The following ZSCAN5A variants were observed in gnomAD, a reference collection of about 807,000 sequenced individuals.
The protein encoded by ZSCAN5A is zinc finger and SCAN domain-containing protein 5A.
In ZSCAN5A, 12 loss-of-function variants were observed where a neutral mutation model predicts 23.7. The observed-to-expected ratio is 0.51, with a 90% confidence interval of 0.32 to 0.82. The LOEUF (loss-of-function observed/expected upper bound fraction) is 0.82, where lower values mean the gene tolerates loss of function less well. Ranked by LOEUF, ZSCAN5A falls within the 40% of genes least tolerant of loss-of-function variation. ZSCAN5A has a pLI of 0.03. For missense variants in ZSCAN5A, 597 were observed against 617.9 expected, an observed-to-expected ratio of 0.97 and a Z score of 0.36; for synonymous variants, 257 against 239.9, an observed-to-expected ratio of 1.07 and a Z score of -0.66.
At chr19:56,348,307 A>G (rs551526852) in intron 2 of ZSCAN5A, 1 of 152,364 alleles carries the variant, frequency 6.6e-6, no homozygotes, top group Non-Finnish European at 1.5e-5. Flanking sequence ...ATCTCAGGAA[A>G]AAGGCTAATC....
At chr19:56,362,593 G>A (rs1043849529) in intron 2 of ZSCAN5A, among the ~76,000 whole-genome samples, 1 of 152,132 alleles carries the variant, frequency 6.6e-6, no homozygotes, top group African/African-American at 2.4e-5. Flanking sequence ...AAGATGGCCG[G>A]ACGCGGTGGC....
chr19:56,289,591 C>T (rs1055778717), intron 2 of ZSCAN5A, among the ~76,000 whole-genome samples: 5 of 152,120 alleles, frequency 3.3e-5, no homozygotes, highest in African/African-American at 7.2e-5. Flanking sequence ...AAATGTTTCT[C>T]TTGTGTGTGG....
upstream of ZSCAN5A, chr19:56,316,933 C>T (rs1360901452): frequency 6.6e-6 from 1 of 152,270 alleles, no homozygotes; most frequent in East Asian, 1.9e-4. Context: ...ACCTCCTGGG[C>T]TTAAGCAATC....
chr19:56,306,146 T>C (rs56095857), intron 2 of ZSCAN5A, among the ~76,000 whole-genome samples: 65,170 of 151,970 alleles, frequency 0.43, 14,194 homozygotes, highest in Middle Eastern at 0.59. Flanking sequence ...ACATGAAGTG[T>C]AGAGGCCAGT....
At chr19:56,359,457 GC>G (rs2041719025) in intron 2 of ZSCAN5A, among the ~76,000 whole-genome samples, 1 of 152,034 alleles carries the variant, frequency 6.6e-6, no homozygotes, top group South Asian at 2.1e-4. Context: ...ACCAAAAAAA[GC>G]CCAGGACCAG....
chr19:56,332,375 T>G (rs2041497496), intron 2 of ZSCAN5A, among the ~76,000 whole-genome samples: 1 of 152,216 alleles, frequency 6.6e-6, no homozygotes, highest in Non-Finnish European at 1.5e-5. Flanking sequence ...GATAGTTAAG[T>G]CTTCTTATTA....
intron 2 of ZSCAN5A, among the ~76,000 whole-genome samples, chr19:56,294,904 T>C (rs1480459025): frequency 6.6e-6 from 1 of 152,232 alleles, no homozygotes; most frequent in Non-Finnish European, 1.5e-5. Context: ...TGACTCTGTC[T>C]CTACGACATG....
At chr19:56,225,444 T>A (rs922031260) in intron 2 of ZSCAN5A, 4 of 165,032 alleles carry the variant, frequency 2.4e-5, no homozygotes, top group African/African-American at 9.5e-5. Flanking sequence ...AATAAGATAG[T>A]TAGGTGAAGC....
At chr19:56,228,435 T>A in intron 2 of ZSCAN5A, 5 of 985,414 alleles carry the variant, frequency 5.1e-6, no homozygotes, top group Non-Finnish European at 6.0e-6. Flanking sequence ...TGATTATGGT[T>A]CCCACTGAAA....
chr19:56,280,056 T>C (rs1298431575), intron 2 of ZSCAN5A, among the ~76,000 whole-genome samples: 1 of 152,158 alleles, frequency 6.6e-6, no homozygotes, highest in Non-Finnish European at 1.5e-5. Flanking sequence ...TCATTTCCCT[T>C]CCCCGAAAGA....
At chr19:56,255,621 T>C (rs1396578685) in intron 2 of ZSCAN5A, among the ~76,000 whole-genome samples, 3 of 151,840 alleles carry the variant, frequency 2.0e-5, no homozygotes, top group East Asian at 1.9e-4. Flanking sequence ...TTTTTTTTTT[T>C]CTCCCTCAAA....
chr19:56,302,460 G>C (rs2040323065), intron 2 of ZSCAN5A, among the ~76,000 whole-genome samples: 1 of 117,304 alleles, frequency 8.5e-6, no homozygotes, highest in African/African-American at 3.4e-5. Flanking sequence ...CTCTCCGTCT[G>C]CTTCCTCCCT....
intron 2 of ZSCAN5A, chr19:56,320,646 G>T: frequency 1.3e-6 from 1 of 750,648 alleles, no homozygotes; most frequent in South Asian, 1.4e-5. Flanking sequence ...TAAGCCAGGC[G>T]AGTACAACGT....
chr19:56,315,053 TA>T (rs2041275645), upstream of ZSCAN5A: 1 of 152,152 alleles, frequency 6.6e-6, no homozygotes, highest in South Asian at 2.1e-4. Context: ...CATTTTATTC[TA>T]AGCTGCTTTT....
intron 2 of ZSCAN5A, among the ~76,000 whole-genome samples, chr19:56,226,692 T>G (rs1007078791): frequency 3.6e-4 from 55 of 152,202 alleles, no homozygotes; most frequent in East Asian, 3.1e-3. Flanking sequence ...AACTGCATGA[T>G]CCGGCAATCC....
chr19:56,222,330 G>A lies in ZSCAN5A; in HGVS notation c.740-4C>T. On this transcript the variant is annotated splice_polypyrimidine_tract_variant and splice_region_variant and intron_variant, in intron 5 of 5. Coordinates refer to ENST00000683990, the MANE Select transcript of ZSCAN5A (RefSeq NM_001322064.3). ...TCCTTTGCTCTCACCAGATCTGCTG[G>A]AAGAAGGGATTCCACACACACAGTT... 6.2e-7 allele frequency: 1 copy of A among 1,609,716 alleles called. No homozygotes were observed. The highest frequency in any genetic ancestry group is 8.5e-7 in the Non-Finnish European group (1 of 1,179,298).
At chr19:56,245,317 C>G (rs755636907) in intron 2 of ZSCAN5A, 1 of 744,210 alleles carries the variant, frequency 1.3e-6, no homozygotes, top group South Asian at 1.4e-5. Context: ...ATCCGAGAGG[C>G]GTGTCCAGCC....
chr19:56,337,480 T>C (rs2041550564), intron 2 of ZSCAN5A, among the ~76,000 whole-genome samples: 1 of 152,224 alleles, frequency 6.6e-6, no homozygotes, highest in African/African-American at 2.4e-5. Flanking sequence ...ATGCCATCTG[T>C]TACCCCTTTC....
At chr19:56,329,447 T>A (rs995859938) in intron 2 of ZSCAN5A, among the ~76,000 whole-genome samples, 1 of 152,018 alleles carries the variant, frequency 6.6e-6, no homozygotes, top group Non-Finnish European at 1.5e-5. Context: ...AAAGAAATGC[T>A]AAGAGGGAAA....
Sources: allele counts gnomAD v4.1 joint callset (sites outside exome capture counted in the v4.1 genomes callset), GRCh38; gene constraint gnomAD v4.1.1; transcripts MANE v1.5; gene names NCBI Gene and HGNC (gene_info 2026-07-23, HGNC 2026-07-21).